The following RAB4B variants were observed in gnomAD, a reference collection of about 807,000 sequenced individuals.
RAB4B encodes ras-related protein Rab-4B.
A neutral mutation model predicts 28.3 loss-of-function variants in RAB4B; 15 were observed. That is an observed-to-expected ratio of 0.53 (90% CI 0.35 to 0.82). The LOEUF (loss-of-function observed/expected upper bound fraction) is 0.82. Ranked by LOEUF, RAB4B falls within the 40% of genes least tolerant of loss-of-function variation. The pLI, the probability that RAB4B is intolerant of heterozygous loss-of-function variation, is 0.01. For synonymous variants in RAB4B, 108 were observed against 116.3 expected (o/e 0.93, Z 0.46); for missense variants, 244 against 288.5 (o/e 0.85, Z 1.12).
At chr19:40,790,425 C>T (rs2083146448) in intron 7 of RAB4B, among the ~76,000 whole-genome samples, 1 of 151,342 alleles carries the variant, frequency 6.6e-6, no homozygotes. Context: ...GGCTGGAGTG[C>T]AGTGGCGCGA....
At position 40,786,872 on chromosome 19, in the gene RAB4B, G is replaced by C. The variant is rs1178730750; in HGVS notation, c.551G>C (p.Gly184Ala). 1.2e-6 allele frequency: 2 copies of C among 1,614,010 alleles called. No homozygotes were observed. Among genetic ancestry groups the C allele is most frequent in the African/African-American group, 1.3e-5 (1 of 74,918 alleles). ...GGCGAGCTAGACCCGGAGAGGATGGGCTCTGGCATTCAGTACGGGGATGCG... is the reference window on the plus strand; with the variant it reads ...GGCGAGCTAGACCCGGAGAGGATGGCCTCTGGCATTCAGTACGGGGATGCG... ...DSGELDPERM[G>A]SGIQYGDASL... The change falls in exon 7 of 8, where the codon GGC becomes GCC. Residue 184 changes from glycine (G) to alanine (A), a missense_variant. Coordinates refer to ENST00000357052, the MANE Select transcript of RAB4B (RefSeq NM_016154.5).
At chr19:40,779,002 C>T (rs1195580304) in intron 1 of RAB4B, 4 of 985,336 alleles carry the variant, frequency 4.1e-6, no homozygotes, top group Non-Finnish European at 4.8e-6. Flanking sequence ...CAGAGGGAGC[C>T]GCATTCACTC....
chr19:40,779,355 A>AGTTT (rs2083025541), intron 1 of RAB4B: 1 of 152,368 alleles, frequency 6.6e-6, no homozygotes, highest in African/African-American at 2.4e-5. Context: ...TCCCTCATAG[A>AGTTT]GTTTTCCTGA....
intron 7 of RAB4B, among the ~76,000 whole-genome samples, chr19:40,790,483 G>A (rs1339076882): frequency 6.6e-6 from 1 of 150,704 alleles, no homozygotes. Flanking sequence ...CCATTCTCCT[G>A]CCTCAGCCTC....
At chr19:40,784,840 CT>C (rs1182284828) in intron 5 of RAB4B, among the ~76,000 whole-genome samples, 2,711 of 139,220 alleles carry the variant, frequency 0.019, 35 homozygotes, top group Non-Finnish European at 0.027. Context: ...GTGAAAGGCA[CT>C]TTTTTTTTTT....
intron 1 of RAB4B, chr19:40,779,642 C>T (rs1269645329): frequency 4.4e-6 from 1 of 227,734 alleles, no homozygotes; most frequent in Non-Finnish European, 8.8e-6. Context: ...ACTCGGGAGG[C>T]TGAGGCAGGA....
intron 3 of RAB4B, among the ~76,000 whole-genome samples, chr19:40,782,834 A>ATCAG (rs1389286144): frequency 8.6e-5 from 12 of 140,070 alleles, no homozygotes; most frequent in Non-Finnish European, 1.2e-4. Flanking sequence ...CAATCAATCA[A>ATCAG]TCAATCAATA....
chr19:40,778,445 G>C, intron 1 of RAB4B, 54 bp downstream of exon 1: 2 of 1,401,484 alleles, frequency 1.4e-6, no homozygotes, highest in Non-Finnish European at 1.9e-6. Context: ...GGAGGATGCG[G>C]CCTGTGGGAA....
At chr19:40,781,774 C>A (rs1200982108) in intron 3 of RAB4B, among the ~76,000 whole-genome samples, 1 of 152,070 alleles carries the variant, frequency 6.6e-6, no homozygotes, top group African/African-American at 2.4e-5. Flanking sequence ...GTAATTCCAG[C>A]ATTTTGGGAG....
chr19:40,784,205 GT>G, intron 5 of RAB4B, 130 bp downstream of exon 5: 1 of 1,282,752 alleles, frequency 7.8e-7, no homozygotes, highest in Middle Eastern at 2.5e-4. Flanking sequence ...TCAAATTTGA[GT>G]GTTGGCTGGG....
intron 3 of RAB4B, 146 bp from the exon 4 acceptor site, chr19:40,783,632 A>G (rs1442284139): frequency 1.0e-5 from 6 of 600,404 alleles, no homozygotes; most frequent in Non-Finnish European, 1.6e-5. Flanking sequence ...GAGGAATTGC[A>G]TGGTGACCCG....
intron 7 of RAB4B, among the ~76,000 whole-genome samples, chr19:40,795,180 A>AG (rs2145069407): frequency 6.7e-6 from 1 of 149,652 alleles, no homozygotes; most frequent in East Asian, 2.0e-4. Context: ...AAAAAAAAAA[A>AG]AAAAAAAAAA....
chr19:40,779,781 A>G (rs1328712702), intron 1 of RAB4B: 3 of 1,065,856 alleles, frequency 2.8e-6, no homozygotes, highest in African/African-American at 3.3e-5. Flanking sequence ...ACCCCTGCAC[A>G]TGTACTCCCT....
chr19:40,785,955 G>C (rs2083094621), intron 5 of RAB4B: 4 of 159,682 alleles, frequency 2.5e-5, no homozygotes. Flanking sequence ...TGGGGGGGCA[G>C]GCAGAGGGAT....
At chr19:40,788,895 CCT>C (rs1222268612) in intron 7 of RAB4B, among the ~76,000 whole-genome samples, 1 of 147,596 alleles carries the variant, frequency 6.8e-6, no homozygotes, top group Non-Finnish European at 1.5e-5. Flanking sequence ...GTTCAAGTTG[CCT>C]CAGCCTCCTG....
In RAB4B at chr19:40,782,583, C is replaced by T. The variant is rs140120191; in HGVS notation, c.213-1195C>T. Among the ~76,000 whole-genome samples, 1,247 of 147,652 alleles carry T rather than the reference C, an allele frequency of 8.4e-3. 19 individuals are homozygous for T. Among genetic ancestry groups the T allele is most frequent in the African/African-American group, 0.029 (1,174 of 39,912 alleles). On this transcript the variant is annotated intron_variant, in intron 3 of 7. Transcript: ENST00000357052. ...ATCCCAGCACTTTGGGAGGCCTAGG[C>T]GGGCAGATCACTTGAGGTCAGGAGT...
intron 7 of RAB4B, among the ~76,000 whole-genome samples, chr19:40,790,352 C>G (rs1599748186): frequency 1.3e-5 from 2 of 150,908 alleles, no homozygotes; most frequent in African/African-American, 4.9e-5. Flanking sequence ...CTTGGCCTCT[C>G]TCTTTTTTTT....
chr19:40,793,780 C>T (rs2145066151), intron 7 of RAB4B, among the ~76,000 whole-genome samples: 1 of 151,442 alleles, frequency 6.6e-6, no homozygotes, highest in South Asian at 2.1e-4. Flanking sequence ...AAAAGTTAGC[C>T]AGGCGTGGTG....
chr19:40,787,100 C>T, intron 7 of RAB4B, 122 bp downstream of exon 7: 9 of 962,848 alleles, frequency 9.3e-6, no homozygotes, highest in Non-Finnish European at 1.4e-5. Context: ...TGCAAAAACA[C>T]ACAAGCTAAA....
Sources: gnomAD v4.1 joint callset for allele counts (sites outside exome capture counted in the v4.1 genomes callset) on GRCh38, gnomAD v4.1.1 for gene constraint, MANE v1.5 for transcripts, NCBI Gene and HGNC (gene_info 2026-07-23, HGNC 2026-07-21) for gene names.